SPAG16: variants seen among roughly 807,000 people sequenced by gnomAD.
The protein encoded by SPAG16 is sperm-associated antigen 16 protein.
Under a neutral mutation model 80.4 loss-of-function variants are expected in SPAG16, and 86 were observed. That is an observed-to-expected ratio of 1.07 (90% CI 0.90 to 1.28). The LOEUF is 1.28. Among genes scored for constraint, SPAG16 ranks in the 50% most tolerant of loss-of-function variants. SPAG16 has a pLI of 0.00. For missense variants in SPAG16, 870 were observed against 765.3 expected (o/e 1.14, Z -1.61); for synonymous variants, 294 against 265.9 (o/e 1.11, Z -1.03).
At chr2:213,658,454 A>T (rs997308445) in intron 10 of SPAG16, among the ~76,000 whole-genome samples, 2 of 152,192 alleles carry the variant, frequency 1.3e-5, no homozygotes, top group African/African-American at 4.8e-5. Context: ...CAGCAGGGAC[A>T]TCTATCTTCT....
rs1410981843 is a variant in SPAG16 at position 213,745,153 on chromosome 2, T to G, written c.1071-117332T>G. ...CAGTTATACAATGCAATTAATTAAA[T>G]GCAGATGTCTATGATTTTAAAAAAC... On this transcript the variant is annotated intron_variant, in intron 10 of 15. Transcript: ENST00000331683. Among the ~76,000 whole-genome samples the G allele has an allele frequency of 2.6e-5, 4 of 152,216 alleles. No homozygotes were observed. The East Asian group carries it at 7.7e-4, about 29-fold the overall frequency.
At chr2:213,988,242 G>A (rs1470654989) in intron 12 of SPAG16, among the ~76,000 whole-genome samples, 1 of 151,966 alleles carries the variant, frequency 6.6e-6, no homozygotes, top group Non-Finnish European at 1.5e-5. Flanking sequence ...AGCACTATCA[G>A]CCAAATTTCC....
intron 13 of SPAG16, among the ~76,000 whole-genome samples, chr2:214,083,963 C>T (rs374540568): frequency 1.8e-4 from 27 of 152,130 alleles, no homozygotes; most frequent in Middle Eastern, 3.2e-3. Flanking sequence ...GCAATTCCTA[C>T]CTTTTCTATT....
At chr2:213,334,127 C>T (rs2064234722) in intron 5 of SPAG16, among the ~76,000 whole-genome samples, 1 of 151,864 alleles carries the variant, frequency 6.6e-6, no homozygotes, top group South Asian at 2.1e-4. Context: ...AAGTCTAATA[C>T]TCCAATTAAA....
In SPAG16 at chr2:213,862,521, C is replaced by T; in HGVS notation, c.1107C>T (p.Ser369=). 6.2e-7 allele frequency: 1 copy of T among 1,614,148 alleles called. No individual in the cohort carries two copies. The highest frequency in any genetic ancestry group is 8.5e-7 in the Non-Finnish European group (1 of 1,179,992). The change falls in exon 11 of 16, where the codon TCC becomes TCT. Residue 369 remains serine (S), a synonymous_variant. Transcript: ENST00000331683. The part of the protein sequence containing the change: ...SMQPHKDILV[S]CGEDRLWKVL... ...AACCCCACAAAGACATCCTAGTCTCCTGTGGCGAGGACCGACTCTGGAAGG... is the reference window on the plus strand; with the variant it reads ...AACCCCACAAAGACATCCTAGTCTCTTGTGGCGAGGACCGACTCTGGAAGG...
intron 15 of SPAG16, among the ~76,000 whole-genome samples, chr2:214,342,683 A>C (rs1462542300): frequency 6.6e-6 from 1 of 152,172 alleles, no homozygotes; most frequent in South Asian, 2.1e-4. Context: ...ATGTGCTTGA[A>C]TCATCCCAAA....
intron 10 of SPAG16, among the ~76,000 whole-genome samples, chr2:213,549,949 T>C (rs932053402): frequency 1.3e-5 from 2 of 152,110 alleles, no homozygotes; most frequent in African/African-American, 4.8e-5. Flanking sequence ...GTCTTATTTT[T>C]TGTAATAATT....
At chr2:213,556,892 A>G (rs920771453) in intron 10 of SPAG16, among the ~76,000 whole-genome samples, 1 of 152,140 alleles carries the variant, frequency 6.6e-6, no homozygotes, top group African/African-American at 2.4e-5. Flanking sequence ...ATGATCAAGT[A>G]TCTTTTTTTT....
chr2:213,960,466 C>A (rs2044356451), intron 12 of SPAG16, among the ~76,000 whole-genome samples: 1 of 152,026 alleles, frequency 6.6e-6, no homozygotes, highest in Non-Finnish European at 1.5e-5. Context: ...TTGTTGAGAA[C>A]TAGATAGTTG....
At chr2:213,866,768 G>A (rs1165395410) in intron 11 of SPAG16, among the ~76,000 whole-genome samples, 2 of 152,130 alleles carry the variant, frequency 1.3e-5, no homozygotes, top group Non-Finnish European at 2.9e-5. Context: ...GCTAACATCT[G>A]TCTATGGAAG....
At chr2:213,371,939 A>G (rs774493526) in intron 8 of SPAG16, among the ~76,000 whole-genome samples, 4 of 152,114 alleles carry the variant, frequency 2.6e-5, no homozygotes, top group Non-Finnish European at 5.9e-5. Context: ...TCAATTTTAC[A>G]TTTATTCTTT....
At chr2:213,755,937 A>G (rs139587698) in intron 10 of SPAG16, among the ~76,000 whole-genome samples, 98 of 152,318 alleles carry the variant, frequency 6.4e-4, no homozygotes, top group African/African-American at 2.2e-3. Context: ...GCTGCATTTA[A>G]CCATCTAAAT....
chr2:213,896,985 A>G (rs970299404), intron 11 of SPAG16, among the ~76,000 whole-genome samples: 1 of 152,142 alleles, frequency 6.6e-6, no homozygotes, highest in East Asian at 1.9e-4. Context: ...GATAGAAGTA[A>G]TAAGACCTAG....
At chr2:213,888,241 T>G (rs1242617479) in intron 11 of SPAG16, among the ~76,000 whole-genome samples, 1 of 151,892 alleles carries the variant, frequency 6.6e-6, no homozygotes, top group Non-Finnish European at 1.5e-5. Context: ...TGGAAATTAT[T>G]TAACATTTTA....
At chr2:213,682,711 G>A (rs976260679) in intron 10 of SPAG16, among the ~76,000 whole-genome samples, 2 of 152,090 alleles carry the variant, frequency 1.3e-5, no homozygotes, top group Admixed American at 6.6e-5. Context: ...CTCAGGGCTG[G>A]CATGTTTCTG....
intron 10 of SPAG16, among the ~76,000 whole-genome samples, chr2:213,650,307 C>A (rs894477235): frequency 2.6e-5 from 4 of 152,140 alleles, no homozygotes; most frequent in Non-Finnish European, 5.9e-5. Context: ...ATGTAATCTA[C>A]AAGTAAACAA....
intron 9 of SPAG16, among the ~76,000 whole-genome samples, chr2:213,487,600 A>G (rs568433389): frequency 1.4e-4 from 21 of 152,168 alleles, no homozygotes; most frequent in South Asian, 4.1e-4. Context: ...CTCTCGATGT[A>G]AATCTTTTTT....
intron 10 of SPAG16, among the ~76,000 whole-genome samples, chr2:213,523,473 A>C (rs1444656282): frequency 6.6e-6 from 1 of 152,188 alleles, no homozygotes; most frequent in Non-Finnish European, 1.5e-5. Context: ...ATACCCAAAA[A>C]TGTGGAAGTG....
At chr2:213,791,644 T>C (rs1170527405) in intron 10 of SPAG16, among the ~76,000 whole-genome samples, 1 of 152,132 alleles carries the variant, frequency 6.6e-6, no homozygotes, top group African/African-American at 2.4e-5. Context: ...ATGAAAAATA[T>C]TCATTCTGAA....
Sources: gnomAD v4.1 joint callset for allele counts (sites outside exome capture counted in the v4.1 genomes callset) on GRCh38, gnomAD v4.1.1 for gene constraint, MANE v1.5 for transcripts, NCBI Gene and HGNC (gene_info 2026-07-23, HGNC 2026-07-21) for gene names.